CADPS: variants seen among roughly 807,000 people sequenced by gnomAD.
CADPS encodes the protein calcium-dependent secretion activator 1.
Under a neutral mutation model 167.3 loss-of-function variants are expected in CADPS, and 57 were observed. That is an observed-to-expected ratio of 0.34 (90% CI 0.28 to 0.42). CADPS has a LOEUF of 0.42. Among genes scored for constraint, CADPS ranks in the 20% least tolerant of loss-of-function variants. CADPS has a pLI of 1.00. For synonymous variants in CADPS, 676 were observed against 635.3 expected, an observed-to-expected ratio of 1.06 and a Z score of -0.96; for missense variants, 1,414 against 1,738.1, an observed-to-expected ratio of 0.81 and a Z score of 3.32.
Position 62,399,349 on chromosome 3 carries a change from C to A in CADPS, c.*57G>T. The stretch of plus-strand genomic sequence containing the variant: ...ATTCCTAATGGGTTTAACTAACAGA[C>A]TAAGGACATGCACTGATTACAGGAC... On this transcript the variant is annotated 3_prime_UTR_variant, in exon 30 of 30. Transcript: ENST00000383710. The surrounding 1 kb of genome is among the most constrained non-coding windows in gnomAD (Gnocchi z 5.6). 6.5e-7 allele frequency: 1 copy of A among 1,537,398 alleles called. No homozygotes were observed. Among genetic ancestry groups the A allele is most frequent in the Non-Finnish European group, 8.9e-7 (1 of 1,117,330 alleles).
At chr3:62,573,255 G>A (rs896664813) in intron 8 of CADPS, among the ~76,000 whole-genome samples, 21 of 152,216 alleles carry the variant, frequency 1.4e-4, no homozygotes, top group African/African-American at 5.1e-4. Context: ...GTAAATAGTT[G>A]CTCTACTGTA....
chr3:62,855,749 G>A (rs1027367380), intron 1 of CADPS, among the ~76,000 whole-genome samples: 3 of 152,024 alleles, frequency 2.0e-5, no homozygotes, highest in African/African-American at 4.8e-5. Context: ...GCATGGGTTC[G>A]CTGATTGAAG....
chr3:62,427,044 C>T (rs916218536), intron 28 of CADPS, among the ~76,000 whole-genome samples: 2 of 146,544 alleles, frequency 1.4e-5, no homozygotes, highest in Admixed American at 6.9e-5. Context: ...CACTACACTC[C>T]AGCCTGGGTG....
At chr3:62,622,544 T>C (rs1462779711) in intron 6 of CADPS, among the ~76,000 whole-genome samples, 2 of 152,136 alleles carry the variant, frequency 1.3e-5, no homozygotes, top group African/African-American at 4.8e-5. Flanking sequence ...ATAAGAAATA[T>C]TTTTAAAAAG....
chr3:62,436,004 A>T (rs2054949859), intron 28 of CADPS, among the ~76,000 whole-genome samples: 1 of 152,084 alleles, frequency 6.6e-6, no homozygotes, highest in Non-Finnish European at 1.5e-5. Context: ...GAGGGCTTGA[A>T]TTTTGCCTGT....
At chr3:62,713,794 C>G (rs526915) in intron 3 of CADPS, among the ~76,000 whole-genome samples, 23,352 of 152,048 alleles carry the variant, frequency 0.15, 1,985 homozygotes, top group South Asian at 0.25. Flanking sequence ...ATACTGTAAC[C>G]CAGCCCTGGT....
intron 11 of CADPS, among the ~76,000 whole-genome samples, chr3:62,546,781 A>T (rs777209940): frequency 1.3e-5 from 2 of 152,152 alleles, no homozygotes; most frequent in African/African-American, 2.4e-5. Flanking sequence ...TTCAAATTAC[A>T]TGGGAGGATG....
chr3:62,538,633 C>T (rs575471322), intron 11 of CADPS, among the ~76,000 whole-genome samples: 4 of 152,246 alleles, frequency 2.6e-5, no homozygotes, highest in South Asian at 2.1e-4. Context: ...ACTGACAAAC[C>T]GGCCGGGGCC....
chr3:62,795,581 G>T (rs938689362), intron 1 of CADPS, among the ~76,000 whole-genome samples: 1 of 151,978 alleles, frequency 6.6e-6, no homozygotes, highest in African/African-American at 2.4e-5. Context: ...TCTGTTTCAG[G>T]TTCTTCTTCA....
At chr3:62,853,588 G>A (rs2079046126) in intron 1 of CADPS, among the ~76,000 whole-genome samples, 1 of 147,220 alleles carries the variant, frequency 6.8e-6, no homozygotes. Flanking sequence ...TCGTGTCATT[G>A]CACTCCAGCC....
chr3:62,418,011 A>G (rs2050492222), intron 28 of CADPS, among the ~76,000 whole-genome samples: 1 of 152,132 alleles, frequency 6.6e-6, no homozygotes, highest in Admixed American at 6.5e-5. Flanking sequence ...AAAAAAAGAA[A>G]AGAAAAGAAA....
At chr3:62,431,341 C>T (rs569651485) in intron 28 of CADPS, among the ~76,000 whole-genome samples, 48 of 152,134 alleles carry the variant, frequency 3.2e-4, no homozygotes, top group Non-Finnish European at 6.5e-4. Context: ...CTCTGTATGT[C>T]TTCACATGGC....
intron 26 of CADPS, among the ~76,000 whole-genome samples, chr3:62,457,558 G>T (rs1172785848): frequency 6.6e-6 from 1 of 152,182 alleles, no homozygotes; most frequent in Non-Finnish European, 1.5e-5. Flanking sequence ...ATTTTTGCAT[G>T]AAAGAATATG....
intron 6 of CADPS, 142 bp from the exon 7 acceptor site, chr3:62,592,890 C>T: frequency 1.8e-6 from 1 of 545,586 alleles, no homozygotes; most frequent in Non-Finnish European, 3.3e-6. Context: ...CCCTTCAAAG[C>T]TGCCAGAGTA....
At chr3:62,630,188 T>C (rs2065020031) in intron 6 of CADPS, among the ~76,000 whole-genome samples, 1 of 152,172 alleles carries the variant, frequency 6.6e-6, no homozygotes, top group African/African-American at 2.4e-5. Flanking sequence ...ATGTATTGAA[T>C]GAATAAGGAA....
chr3:62,778,563 TTA>T (rs1173165927), intron 1 of CADPS, among the ~76,000 whole-genome samples: 2 of 152,204 alleles, frequency 1.3e-5, no homozygotes, highest in Non-Finnish European at 1.5e-5. Flanking sequence ...TTGGTATTTA[TTA>T]TATGATTGAT....
At chr3:62,530,801 T>C (rs1488046235) in intron 13 of CADPS, 11 of 1,274,088 alleles carry the variant, frequency 8.6e-6, no homozygotes, top group Admixed American at 2.4e-5. Context: ...AAGGTACACA[T>C]GCATTTGTTG....
intron 1 of CADPS, among the ~76,000 whole-genome samples, chr3:62,806,075 C>T (rs2094074726): frequency 6.6e-6 from 1 of 152,070 alleles, no homozygotes; most frequent in South Asian, 2.1e-4. Context: ...CCCTCAATTA[C>T]CCAGTCTGGG....
At chr3:62,829,129 T>G (rs1576997895) in intron 1 of CADPS, among the ~76,000 whole-genome samples, 1 of 152,190 alleles carries the variant, frequency 6.6e-6, no homozygotes, top group Admixed American at 6.5e-5. Flanking sequence ...CTTTTCACCT[T>G]CTGACACCTT....
Sources: allele counts gnomAD v4.1 joint callset (sites outside exome capture counted in the v4.1 genomes callset), GRCh38; gene constraint gnomAD v4.1.1; non-coding constraint Gnocchi (gnomAD v3.1); transcripts MANE v1.5; gene names NCBI Gene and HGNC (gene_info 2026-07-23, HGNC 2026-07-21).